ZNF341: variants seen among roughly 807,000 people sequenced by gnomAD.
The protein encoded by ZNF341 is zinc finger protein 341.
Under a neutral mutation model 87.7 loss-of-function variants are expected in ZNF341, and 52 were observed. That is an observed-to-expected ratio of 0.59 (90% confidence interval 0.47 to 0.75). ZNF341 has a LOEUF of 0.75. ZNF341 is among the 30% of genes least tolerant of loss of function. ZNF341 has a pLI of 0.00. For synonymous variants in ZNF341, 459 were observed against 472.7 expected (o/e 0.97, Z 0.38); for missense variants, 977 against 1,145.9 (o/e 0.85, Z 2.13).
At chr20:33,784,007 CCTCCCCATCTCA>C (rs1379322253) in intron 12 of ZNF341, 143 bp downstream of exon 12, 5 of 755,224 alleles carry the variant, frequency 6.6e-6, no homozygotes, top group Non-Finnish European at 1.1e-5. Flanking sequence ...TCTCCATCTC[CCTCCCCATCTCA>C]CTCAGTCCCT....
rs1442172695 is a variant in ZNF341, at chr20:33,741,123, A to G, written c.142+111A>G. 2.9e-6 allele frequency: 3 copies of G among 1,031,996 alleles called. No individual in the cohort carries two copies. In the Admixed American group the frequency reaches 5.8e-5, roughly 20 times the overall value. 63.9% of individuals were successfully genotyped at this position (1,031,996 alleles called of 1,614,324 possible). A position where few individuals can be genotyped will look rare whatever the true frequency, so the allele number is the denominator to read the frequency against. ...AAATGCTTGCTGTGGTCCCCAGGAC[A>G]TGCTCTGGTGTCTGAACCCTCTCCC... On this transcript the variant is annotated intron_variant, in intron 2 of 14. Coordinates refer to ENST00000375200, the MANE Select transcript of ZNF341 (RefSeq NM_001282933.2).
In ZNF341 at chr20:33,791,216, G is replaced by A. The variant is rs1304202909; in HGVS notation, c.2264G>A (p.Ser755Asn). The A allele has an allele frequency of 2.4e-5, 39 of 1,612,222 alleles. No homozygotes were observed. Among genetic ancestry groups the A allele is most frequent in the Non-Finnish European group, 3.1e-5 (37 of 1,179,604 alleles). Reference sequence around the variant, plus strand: ...CCCCAGAGGAGGGCAGCCCCCCGCAGTTGCGGCAGTGGTGGGCGCAAGGTG... The same window carrying A: ...CCCCAGAGGAGGGCAGCCCCCCGCAATTGCGGCAGTGGTGGGCGCAAGGTG... Reference protein sequence around the residue: ...RPPQRRAAPRSCGSGGRKVLT... With the variant: ...RPPQRRAAPRNCGSGGRKVLT... Residue 755 changes from serine (S) to asparagine (N), a missense_variant, in exon 15 of 15, where the codon AGT becomes AAT. Coordinates refer to ENST00000375200, the MANE Select transcript of ZNF341 (RefSeq NM_001282933.2).
At chr20:33,734,708 C>CT (rs898347017) in intron 1 of ZNF341, among the ~76,000 whole-genome samples, 27 of 151,762 alleles carry the variant, frequency 1.8e-4, no homozygotes, top group East Asian at 3.9e-4. Context: ...CACAGGCTGC[C>CT]TTTTTTTTGT....
chr20:33,756,201 C>T (rs1339679353), intron 5 of ZNF341, among the ~76,000 whole-genome samples: 3 of 152,034 alleles, frequency 2.0e-5, no homozygotes, highest in African/African-American at 7.2e-5. Context: ...CCAGCCTGGA[C>T]AATAGAGCAA....
chr20:33,743,392 G>A (rs2018851722), intron 2 of ZNF341, among the ~76,000 whole-genome samples: 1 of 147,676 alleles, frequency 6.8e-6, no homozygotes, highest in Admixed American at 6.9e-5. Flanking sequence ...CCAGGCTGGA[G>A]TGCAGTGGTG....
intron 13 of ZNF341, among the ~76,000 whole-genome samples, chr20:33,789,264 A>G: frequency 6.6e-6 from 1 of 151,960 alleles, no homozygotes; most frequent in East Asian, 1.9e-4. Flanking sequence ...GCTGGTCTCG[A>G]GCTCCTGACC....
chr20:33,764,561 ATTTTT>A lies in ZNF341; in HGVS notation c.1223-2265_1223-2261del, dbSNP rs1164096634. ...TGTATGTGTATATATATATATATATATTTTTTTTTTTTTTTTTTTTTTTTTTTTTG... is the reference window on the plus strand; with the variant it reads ...TGTATGTGTATATATATATATATATATTTTTTTTTTTTTTTTTTTTTTTTG... On this transcript the variant is annotated intron_variant, in intron 8 of 14. Transcript: ENST00000375200. 3.5e-4 allele frequency among the ~76,000 whole-genome samples: 10 copies of A among 28,398 alleles called. No homozygotes were observed. The South Asian group carries it at 6.4e-3, about 18-fold the overall frequency. The allele number at this position is 28,398 out of a possible 152,430, so 18.6% of individuals were successfully genotyped here.
intron 1 of ZNF341, among the ~76,000 whole-genome samples, chr20:33,740,300 T>C (rs1317523331): frequency 1.3e-5 from 2 of 152,138 alleles, no homozygotes; most frequent in East Asian, 3.9e-4. Flanking sequence ...TATCAGGCAG[T>C]TTTAAGAAAA....
At chr20:33,776,127 G>A (rs187572545) in intron 10 of ZNF341, among the ~76,000 whole-genome samples, 27 of 151,918 alleles carry the variant, frequency 1.8e-4, no homozygotes, top group Admixed American at 9.8e-4. Flanking sequence ...CACCAAGGCT[G>A]GAAAGCAGTG....
At chr20:33,760,877 T>C (rs570217718) in intron 7 of ZNF341, among the ~76,000 whole-genome samples, 1 of 152,356 alleles carries the variant, frequency 6.6e-6, no homozygotes, top group Non-Finnish European at 1.5e-5. Flanking sequence ...ATATGGCTTA[T>C]GTCTACCTTA....
At chr20:33,748,153 C>T (rs2018973327) in intron 3 of ZNF341, among the ~76,000 whole-genome samples, 1 of 152,004 alleles carries the variant, frequency 6.6e-6, no homozygotes, top group Admixed American at 6.6e-5. Flanking sequence ...CTCACTGCAA[C>T]CTCCATCTCC....
At chr20:33,738,298 T>C (rs1474135552) in intron 1 of ZNF341, among the ~76,000 whole-genome samples, 3 of 152,100 alleles carry the variant, frequency 2.0e-5, no homozygotes, top group Admixed American at 6.6e-5. Flanking sequence ...ATAATAATAT[T>C]ATATGCAGGA....
At chr20:33,776,625 G>A (rs2019632944) in intron 10 of ZNF341, among the ~76,000 whole-genome samples, 1 of 152,030 alleles carries the variant, frequency 6.6e-6, no homozygotes, top group African/African-American at 2.4e-5. Context: ...GGCTCAAGCG[G>A]TCCACCTGCC....
chr20:33,781,102 T>C (rs1413608964), intron 10 of ZNF341, among the ~76,000 whole-genome samples, 189 bp from the exon 11 acceptor site: 1 of 152,184 alleles, frequency 6.6e-6, no homozygotes, highest in Non-Finnish European at 1.5e-5. Context: ...AGGAGGCTAC[T>C]GCACAAGTCC....
In ZNF341 at chr20:33,791,649, C is replaced by A; in HGVS notation, c.*132C>A. The A allele has an allele frequency of 9.4e-7, 1 of 1,067,342 alleles. No individual in the cohort carries two copies. Among genetic ancestry groups the A allele is most frequent in the Non-Finnish European group, 1.3e-6 (1 of 771,954 alleles). The allele number at this position is 1,067,342 out of a possible 1,614,324, so 66.1% of individuals were successfully genotyped here. ...CATTGGCAGAAATCCTGCTGAATGTCATTCAGAAACCTCAGCCCATGGTCG... is the reference window on the plus strand; with the variant it reads ...CATTGGCAGAAATCCTGCTGAATGTAATTCAGAAACCTCAGCCCATGGTCG... On this transcript the variant is annotated 3_prime_UTR_variant, in exon 15 of 15. Coordinates refer to ENST00000375200, the MANE Select transcript of ZNF341 (RefSeq NM_001282933.2).
chr20:33,781,701 AT>A (rs35710818), intron 11 of ZNF341, among the ~76,000 whole-genome samples: 391 of 143,102 alleles, frequency 2.7e-3, no homozygotes, highest in Middle Eastern at 7.0e-3. Context: ...CTTCTTTTTA[AT>A]TTTTTTTTTT....
At position 33,753,398 on chromosome 20, in the gene ZNF341, G is replaced by A. The variant is rs1169581067; in HGVS notation, c.716G>A (p.Gly239Glu). The change falls in exon 5 of 15, where the codon GGG becomes GAG. Residue 239 changes from glycine (G) to glutamate (E), a missense_variant. Physicochemically the swap from Gly to Glu is moderately conservative, Grantham distance 98 (BLOSUM62 -2). This residue lies in a region of ZNF341 where 515 missense variants were observed against 598.2 expected (regional missense o/e 0.86). Transcript: ENST00000375200. ...GSGTVEIQAL[G>E]MQPYPPLEVP... ...GGAACGGTGGAGATCCAGGCACTGG[G>A]GATGCAGCCCTACCCACCCCTAGAG... The A allele has an allele frequency of 1.9e-6, 3 of 1,606,014 alleles. No individual in the cohort carries two copies. The highest frequency in any genetic ancestry group is 2.2e-5 in the East Asian group (1 of 44,528).
In ZNF341 at chr20:33,767,049, G is replaced by C; in HGVS notation, c.1413+8G>C. ...CAGCATAAGAATGAGCAGGTAGGTG[G>C]ATGGTGGCAGCAGGGGCCCACACCA... On this transcript the variant is annotated splice_region_variant and intron_variant, in intron 9 of 14. Coordinates refer to ENST00000375200, the MANE Select transcript of ZNF341 (RefSeq NM_001282933.2). 6.2e-7 allele frequency: 1 copy of C among 1,607,986 alleles called. No homozygotes were observed. The highest frequency in any genetic ancestry group is 8.5e-7 in the Non-Finnish European group (1 of 1,176,612).
intron 3 of ZNF341, among the ~76,000 whole-genome samples, chr20:33,747,071 C>T (rs1412528358): frequency 1.3e-5 from 2 of 152,102 alleles, no homozygotes; most frequent in Admixed American, 6.6e-5. Flanking sequence ...GCCGAAAACA[C>T]GGTTCTGGAG....
Sources: gnomAD v4.1 joint callset for allele counts (sites outside exome capture counted in the v4.1 genomes callset) on GRCh38, gnomAD v4.1.1 for gene constraint, gnomAD v4.1.1 regional missense constraint, MANE v1.5 for transcripts, NCBI Gene and HGNC (gene_info 2026-07-23, HGNC 2026-07-21) for gene names.